The following LAMA2 variants were observed in gnomAD, a reference collection of about 807,000 sequenced individuals.
The protein encoded by LAMA2 is laminin subunit alpha-2.
Under a neutral mutation model 364.8 loss-of-function variants are expected in LAMA2, and 269 were observed. That is an observed-to-expected ratio of 0.74 (90% confidence interval 0.67 to 0.82). LAMA2 has a LOEUF of 0.82. LAMA2 is among the 40% of genes least tolerant of loss of function. The pLI is 0.00. For missense variants in LAMA2, 3,807 were observed against 3,873.2 expected, an observed-to-expected ratio of 0.98 and a Z score of 0.45; for synonymous variants, 1,379 against 1,370.6, an observed-to-expected ratio of 1.01 and a Z score of -0.14.
intron 7 of LAMA2, among the ~76,000 whole-genome samples, chr6:129,149,668 C>T (rs112875265): frequency 1.2e-4 from 19 of 152,070 alleles, no homozygotes; most frequent in African/African-American, 4.6e-4. Context: ...AAATGTTCCC[C>T]ACCTATAAGA....
chr6:129,336,506 T>C (rs1775965311), intron 29 of LAMA2, among the ~76,000 whole-genome samples: 2 of 152,144 alleles, frequency 1.3e-5, no homozygotes, highest in Admixed American at 1.3e-4. Context: ...CCAAAACAGG[T>C]CACTGTACAG....
intron 21 of LAMA2, among the ~76,000 whole-genome samples, chr6:129,299,090 A>G (rs1342365755): frequency 2.6e-5 from 4 of 152,072 alleles, no homozygotes; most frequent in Non-Finnish European, 5.9e-5. Context: ...TAGAAAGATG[A>G]CAGCATTTAA....
intron 5 of LAMA2, among the ~76,000 whole-genome samples, chr6:129,146,036 A>G (rs909709189): frequency 3.9e-5 from 6 of 151,984 alleles, no homozygotes; most frequent in Non-Finnish European, 8.8e-5. Flanking sequence ...ATTTTCAAAG[A>G]CACTATATGT....
intron 1 of LAMA2, among the ~76,000 whole-genome samples, chr6:128,902,297 T>C (rs1777138763): frequency 6.6e-6 from 1 of 152,216 alleles, no homozygotes; most frequent in African/African-American, 2.4e-5. Context: ...GAATGCCACT[T>C]TCCTATTCCC....
intron 28 of LAMA2, among the ~76,000 whole-genome samples, chr6:129,326,504 A>G (rs1775293677): frequency 6.6e-6 from 1 of 151,682 alleles, no homozygotes; most frequent in South Asian, 2.1e-4. Flanking sequence ...TTCTTCTAAG[A>G]TTTATTTTAA....
rs564484453 is a variant in LAMA2 at position 129,380,966 on chromosome 6, C to A, written c.4960-2156C>A. ...TTAAGACAATGAATATGATCTTGAT[C>A]ATCCAGAATTTAAAAGAGACAGTGT... On this transcript the variant is annotated intron_variant, in intron 34 of 64. Coordinates refer to ENST00000421865, the MANE Select transcript of LAMA2 (RefSeq NM_000426.4). Among the ~76,000 whole-genome samples, 3 of 152,198 alleles carry A rather than the reference C, an allele frequency of 2.0e-5. No individual in the cohort carries two copies. In the East Asian group the frequency reaches 5.8e-4, roughly 29 times the overall value.
chr6:129,164,139 A>G (rs1040668901), intron 8 of LAMA2, among the ~76,000 whole-genome samples: 42 of 152,210 alleles, frequency 2.8e-4, no homozygotes, highest in African/African-American at 9.6e-4. Context: ...ACCTGAAATC[A>G]CAGATAGTAC....
intron 1 of LAMA2, among the ~76,000 whole-genome samples, chr6:128,949,299 C>G (rs917654661): frequency 6.6e-6 from 1 of 152,072 alleles, no homozygotes; most frequent in Admixed American, 6.6e-5. Context: ...CTTCTTTAAC[C>G]AAGGGCCAAA....
chr6:129,161,498 A>G (rs1779436025), intron 8 of LAMA2, among the ~76,000 whole-genome samples: 1 of 152,006 alleles, frequency 6.6e-6, no homozygotes, highest in Non-Finnish European at 1.5e-5. Flanking sequence ...TTCCTTTATT[A>G]TCTTTTTAGC....
At chr6:129,250,704 C>T (rs1043281211) in intron 13 of LAMA2, among the ~76,000 whole-genome samples, 1 of 152,082 alleles carries the variant, frequency 6.6e-6, no homozygotes, top group African/African-American at 2.4e-5. Context: ...TTTGAAGGGC[C>T]ATAGGCAACT....
At chr6:129,471,379 A>G (rs1043966730) in intron 51 of LAMA2, among the ~76,000 whole-genome samples, 2 of 151,930 alleles carry the variant, frequency 1.3e-5, no homozygotes, top group African/African-American at 2.4e-5. Flanking sequence ...TTTCAATTCA[A>G]TTGTGTTGCT....
intron 29 of LAMA2, among the ~76,000 whole-genome samples, 184 bp from the exon 30 acceptor site, chr6:129,342,158 TC>T (rs1776302283): frequency 6.6e-6 from 1 of 152,210 alleles, no homozygotes; most frequent in African/African-American, 2.4e-5. Context: ...ATCAAAGAGT[TC>T]CTTTAAAAAT....
intron 32 of LAMA2, among the ~76,000 whole-genome samples, chr6:129,361,909 C>T (rs1033726019): frequency 8.6e-5 from 13 of 151,622 alleles, no homozygotes; most frequent in Admixed American, 1.3e-4. Flanking sequence ...CTCAGCCTCC[C>T]GAGTAGCGGG....
At chr6:129,053,489 GC>G (rs1200858222) in intron 2 of LAMA2, among the ~76,000 whole-genome samples, 4 of 152,078 alleles carry the variant, frequency 2.6e-5, no homozygotes, top group African/African-American at 4.8e-5. Flanking sequence ...ATATGTCAGA[GC>G]CCTTTGCTTT....
chr6:129,514,172 A>G (rs1211172598), intron 63 of LAMA2, among the ~76,000 whole-genome samples: 1 of 152,208 alleles, frequency 6.6e-6, no homozygotes, highest in Non-Finnish European at 1.5e-5. Flanking sequence ...CAAAGCAAAG[A>G]GCATAATTTG....
intron 14 of LAMA2, among the ~76,000 whole-genome samples, chr6:129,257,617 A>C (rs1032681946): frequency 3.9e-5 from 6 of 152,134 alleles, no homozygotes; most frequent in Admixed American, 1.3e-4. Context: ...TCTGCTGTTT[A>C]GTAAATTGTG....
chr6:129,400,529 C>T (rs1318376747), intron 37 of LAMA2, among the ~76,000 whole-genome samples: 1 of 152,084 alleles, frequency 6.6e-6, no homozygotes, highest in Non-Finnish European at 1.5e-5. Flanking sequence ...ATGGTGATTT[C>T]AGGAATAGGA....
At chr6:129,168,467 G>A (rs2114998421) in intron 9 of LAMA2, among the ~76,000 whole-genome samples, 1 of 152,176 alleles carries the variant, frequency 6.6e-6, no homozygotes, top group South Asian at 2.1e-4. Context: ...CAAAGATCAG[G>A]TAGTTGTACA....
At chr6:129,503,060 C>G (rs1281795023) in intron 59 of LAMA2, 31 bp from the exon 60 acceptor site, 7 of 1,595,452 alleles carry the variant, frequency 4.4e-6, no homozygotes, top group Non-Finnish European at 6.0e-6. Flanking sequence ...TGTTATTTTT[C>G]TGTTTGACTT....
Sources: allele counts gnomAD v4.1 joint callset (sites outside exome capture counted in the v4.1 genomes callset), GRCh38; gene constraint gnomAD v4.1.1; transcripts MANE v1.5; gene names NCBI Gene and HGNC (gene_info 2026-07-23, HGNC 2026-07-21).